Variants in FOXP1 observed in about 807,000 individuals in gnomAD.
The protein encoded by FOXP1 is forkhead box protein P1.
A neutral mutation model predicts 98.2 loss-of-function variants in FOXP1; 15 were observed. That is an observed-to-expected ratio of 0.15 (90% confidence interval 0.10 to 0.24). The LOEUF (loss-of-function observed/expected upper bound fraction) is 0.24. Among genes scored for constraint, FOXP1 ranks in the 10% least tolerant of loss-of-function variants. The pLI is 1.00. For synonymous variants in FOXP1, 371 were observed against 314.5 expected (o/e 1.18, Z -1.90); for missense variants, 633 against 848.5 (o/e 0.75, Z 3.15).
chr3:71,416,122 G>A (rs1430870609), intron 3 of FOXP1, among the ~76,000 whole-genome samples: 1 of 152,138 alleles, frequency 6.6e-6, no homozygotes, highest in Non-Finnish European at 1.5e-5. Context: ...TTGTCTTTTG[G>A]AGCTGGGGAG....
At chr3:71,142,472 C>T (rs1041688604) in intron 6 of FOXP1, among the ~76,000 whole-genome samples, 1 of 152,138 alleles carries the variant, frequency 6.6e-6, no homozygotes, top group African/African-American at 2.4e-5. Flanking sequence ...GTTTAGAGCC[C>T]AGAGATAGAG....
Position 71,538,616 on chromosome 3 carries a change from A to G in FOXP1, c.-298+42933T>C, listed in dbSNP as rs574690358. Among the ~76,000 whole-genome samples, 10 of 152,356 alleles carry G rather than the reference A, an allele frequency of 6.6e-5. No individual in the cohort carries two copies. The East Asian group carries it at 1.7e-3, about 26-fold the overall frequency. On this transcript the variant is annotated intron_variant, in intron 2 of 20. Coordinates refer to ENST00000649528, the MANE Select transcript of FOXP1 (RefSeq NM_001349338.3). ...GGCTATTATAAATCATTCTCCTATG[A>G]ACATTTATGTACAAGCTTTTCTGTA... is the stretch of plus-strand genomic sequence containing the variant.
At chr3:71,064,712 CT>C in intron 7 of FOXP1, 1 of 760,322 alleles carries the variant, frequency 1.3e-6, no homozygotes, top group Non-Finnish European at 1.6e-6. Flanking sequence ...AAAGACTCAA[CT>C]TCAGAACCCT....
intron 5 of FOXP1, among the ~76,000 whole-genome samples, chr3:71,296,737 G>T (rs561079202): frequency 6.6e-6 from 1 of 152,200 alleles, no homozygotes; most frequent in Non-Finnish European, 1.5e-5. Flanking sequence ...TGTCAGAGGA[G>T]GGGCCAATAG....
chr3:70,997,189 G>A (rs907312521), intron 13 of FOXP1, among the ~76,000 whole-genome samples: 29 of 152,182 alleles, frequency 1.9e-4, no homozygotes, highest in African/African-American at 5.6e-4. Flanking sequence ...AACAGAAAAC[G>A]GAAATAGGCT....
chr3:70,985,270 G>A (rs908895487), intron 14 of FOXP1, among the ~76,000 whole-genome samples: 5 of 152,086 alleles, frequency 3.3e-5, no homozygotes, highest in African/African-American at 7.2e-5. Flanking sequence ...TATTTAGGGC[G>A]GAATAAATTA....
rs1051497154 is a variant in FOXP1, at chr3:71,422,354, C to T, written c.-167-63110G>A. Among the ~76,000 whole-genome samples, 5 of 152,336 alleles carry T rather than the reference C, an allele frequency of 3.3e-5. No individual in the cohort carries two copies. In the East Asian group the frequency reaches 7.7e-4, roughly 23 times the overall value. On this transcript the variant is annotated intron_variant, in intron 3 of 20. Transcript: ENST00000649528. ...CTAGTGCTCCTTAAACCTAAATGCACGTGAATCACCTGGCCATCTTGGCAA... is the reference window on the plus strand; with the variant it reads ...CTAGTGCTCCTTAAACCTAAATGCATGTGAATCACCTGGCCATCTTGGCAA...
At chr3:71,163,468 C>T (rs2061245468) in intron 6 of FOXP1, among the ~76,000 whole-genome samples, 1 of 152,146 alleles carries the variant, frequency 6.6e-6, no homozygotes, top group Admixed American at 6.5e-5. Flanking sequence ...AAACAGACTA[C>T]TGTATATAAG....
chr3:71,259,295 C>A (rs1270672937), intron 5 of FOXP1, among the ~76,000 whole-genome samples: 3 of 152,222 alleles, frequency 2.0e-5, no homozygotes, highest in Admixed American at 1.3e-4. Context: ...GCTCACTTCA[C>A]CTCTCTGTGT....
intron 7 of FOXP1, among the ~76,000 whole-genome samples, chr3:71,063,605 A>G (rs1375107310): frequency 6.6e-6 from 1 of 152,282 alleles, no homozygotes; most frequent in South Asian, 2.1e-4. Context: ...TGACTTCCTA[A>G]TGATAAAATA....
rs532808922 is a variant in FOXP1 at position 71,398,290 on chromosome 3, T to C, written c.-167-39046A>G. Among the ~76,000 whole-genome samples, 20 of 152,354 alleles carry C rather than the reference T, an allele frequency of 1.3e-4. No individual in the cohort carries two copies. In the South Asian group the frequency reaches 4.1e-3, roughly 32 times the overall value. On this transcript the variant is annotated intron_variant, in intron 3 of 20. Transcript: ENST00000649528. ...GTAATATCTTGTCTCCACTTGCTTC[T>C]GATTTCTTTGAATTCTCATATTAAC...
At chr3:71,408,609 C>A (rs909326613) in intron 3 of FOXP1, among the ~76,000 whole-genome samples, 56 of 152,172 alleles carry the variant, frequency 3.7e-4, no homozygotes, top group Non-Finnish European at 1.3e-4. Context: ...ATTTTATTGA[C>A]TAAAGCGGAA....
intron 12 of FOXP1, among the ~76,000 whole-genome samples, chr3:71,010,773 T>C (rs541024306): frequency 5.3e-4 from 81 of 152,234 alleles, no homozygotes; most frequent in African/African-American, 1.9e-3. Context: ...TCAGGATCTA[T>C]GAATCCAGCA....
chr3:71,295,913 T>A (rs2073239983), intron 5 of FOXP1, among the ~76,000 whole-genome samples: 1 of 152,208 alleles, frequency 6.6e-6, no homozygotes, highest in Non-Finnish European at 1.5e-5. Context: ...GTAAACTATT[T>A]ATCATCAACG....
chr3:71,257,395 C>T (rs756521302), intron 5 of FOXP1, among the ~76,000 whole-genome samples: 1 of 151,818 alleles, frequency 6.6e-6, no homozygotes, highest in Non-Finnish European at 1.5e-5. Flanking sequence ...CTGGCCAACA[C>T]GGTGAAACCC....
chr3:70,970,403 A>G (rs2035955713), intron 19 of FOXP1: 1 of 350,322 alleles, frequency 2.9e-6, no homozygotes, highest in African/African-American at 2.1e-5. Context: ...ATCATCCAGC[A>G]CATTAATAGC....
chr3:71,140,175 TATCTG>T (rs2060000921), intron 6 of FOXP1, among the ~76,000 whole-genome samples: 1 of 152,230 alleles, frequency 6.6e-6, no homozygotes, highest in South Asian at 2.1e-4. Flanking sequence ...GATCTTGGAA[TATCTG>T]CATACACATG....
At chr3:70,962,285 A>G (rs1171934620) in intron 20 of FOXP1, among the ~76,000 whole-genome samples, 5 of 152,206 alleles carry the variant, frequency 3.3e-5, no homozygotes, top group African/African-American at 7.2e-5. Flanking sequence ...TACTGTTTGT[A>G]TAATACAATG....
intron 3 of FOXP1, among the ~76,000 whole-genome samples, chr3:71,418,521 A>G (rs1355285638): frequency 6.6e-6 from 1 of 152,210 alleles, no homozygotes; most frequent in African/African-American, 2.4e-5. Flanking sequence ...TAATAATTCA[A>G]TGCTGGTTCT....
Sources: allele counts gnomAD v4.1 joint callset (sites outside exome capture counted in the v4.1 genomes callset), GRCh38; gene constraint gnomAD v4.1.1; transcripts MANE v1.5; gene names NCBI Gene and HGNC (gene_info 2026-07-23, HGNC 2026-07-21).